Variants in RBM25 observed in about 807,000 individuals in gnomAD.
The protein encoded by RBM25 is RNA binding motif protein 25.
Under a neutral mutation model 120.7 loss-of-function variants are expected in RBM25, and 19 were observed. The ratio of observed to expected loss-of-function variants is 0.16; its 90% CI spans 0.11 to 0.23. The LOEUF is 0.23. RBM25 is among the 10% of genes least tolerant of loss of function. The pLI is 1.00. For missense variants in RBM25, 605 were observed against 1,041.5 expected (o/e 0.58, Z 5.77); for synonymous variants, 390 against 326.7 (o/e 1.19, Z -2.09).
rs57669015 is a variant in RBM25 at position 73,069,746 on chromosome 14, T to TAAAAAAAAAAAAAAAAAAAAAA, written c.-15-1869_-15-1848dup. 10 of 44,158 alleles carry TAAAAAAAAAAAAAAAAAAAAAA rather than the reference T, an allele frequency of 2.3e-4. 1 individual carries two copies. The highest frequency in any genetic ancestry group is 4.6e-4 in the Admixed American group (1 of 2,182). The allele number at this position is 44,158 out of a possible 1,614,324, so 2.7% of individuals were successfully genotyped here. ...ACCGTGCCTGGCCGACCCTGTTTCTTAAAAAAAAAAAAAAAAAAAAAAAAA... is the reference window on the plus strand; with the variant it reads ...ACCGTGCCTGGCCGACCCTGTTTCTTAAAAAAAAAAAAAAAAAAAAAAAAAAAAAAAAAAAAAAAAAAAAAAA... On this transcript the variant is annotated intron_variant, in intron 1 of 18. Coordinates refer to ENST00000261973, the MANE Select transcript of RBM25 (RefSeq NM_021239.3).
At chr14:73,079,354 C>G (rs1024169792) in intron 4 of RBM25, among the ~76,000 whole-genome samples, 2 of 150,502 alleles carry the variant, frequency 1.3e-5, no homozygotes, top group East Asian at 3.9e-4. Context: ...ACCTGGGAGG[C>G]GGAGGTTGCA....
rs141841381 is a variant in RBM25 at position 73,103,174 on chromosome 14, G to C, written c.868-18G>C. Reference sequence around the variant, plus strand: ...GAGCTACAGAGTTAACTCTAAAAGTGCTTTTATTGGTTTCTAGAAACTGGA... The same window carrying C: ...GAGCTACAGAGTTAACTCTAAAAGTCCTTTTATTGGTTTCTAGAAACTGGA... On this transcript the variant is annotated intron_variant, in intron 9 of 18. Coordinates refer to ENST00000261973, the MANE Select transcript of RBM25 (RefSeq NM_021239.3). 1 of 1,601,920 alleles carries C rather than the reference G, an allele frequency of 6.2e-7. No homozygotes were observed. Among genetic ancestry groups the C allele is most frequent in the East Asian group, 2.2e-5 (1 of 44,828 alleles).
intron 14 of RBM25, among the ~76,000 whole-genome samples, chr14:73,110,074 G>C (rs963968432): frequency 6.6e-6 from 1 of 151,448 alleles, no homozygotes; most frequent in Admixed American, 6.6e-5. Flanking sequence ...TAGTGGCGAC[G>C]GGGTTTTACC....
intron 5 of RBM25, among the ~76,000 whole-genome samples, chr14:73,087,448 T>C (rs1480926732): frequency 2.0e-5 from 3 of 151,106 alleles, no homozygotes; most frequent in African/African-American, 2.4e-5. Context: ...CAGGCCGGAC[T>C]GCAGTGGCGC....
chr14:73,061,306 G>A (rs968275947), intron 1 of RBM25, among the ~76,000 whole-genome samples: 8 of 151,052 alleles, frequency 5.3e-5, no homozygotes, highest in Admixed American at 2.0e-4. Flanking sequence ...TGATCCACCC[G>A]CCTTGGCCTC....
intron 4 of RBM25, among the ~76,000 whole-genome samples, chr14:73,080,302 C>G (rs1045441123): frequency 7.3e-6 from 1 of 136,372 alleles, no homozygotes; most frequent in Admixed American, 8.6e-5. Flanking sequence ...TGGCTCACTG[C>G]AAGCTCCGCC....
chr14:73,067,850 C>A, intron 1 of RBM25, among the ~76,000 whole-genome samples: 1 of 151,772 alleles, frequency 6.6e-6, no homozygotes. Flanking sequence ...CCACCCGCTT[C>A]GGCCTCCCAA....
chr14:73,060,518 A>G (rs1894979038), intron 1 of RBM25, among the ~76,000 whole-genome samples: 1 of 151,548 alleles, frequency 6.6e-6, no homozygotes, highest in Non-Finnish European at 1.5e-5. Context: ...AAGCAAAGGA[A>G]TCATTTATCA....
rs1171789697 is a variant in RBM25 at position 73,122,157 on chromosome 14, T to G, written c.*2352T>G. ...ATTAAGTTGCTTGAACTTTGTGGGT[T>G]AATTTTACCATAATCTCATAAATTA... On this transcript the variant is annotated 3_prime_UTR_variant, in exon 19 of 19. Transcript: ENST00000261973. 9.2e-5 allele frequency: 14 copies of G among 151,566 alleles called. 1 individual carries two copies. Among genetic ancestry groups the G allele is most frequent in the Admixed American group, 9.2e-4 (14 of 15,208 alleles). 9.4% of individuals were successfully genotyped at this position (151,566 alleles called of 1,614,324 possible).
chr14:73,083,969 C>G (rs956350521), intron 5 of RBM25, among the ~76,000 whole-genome samples: 1 of 150,986 alleles, frequency 6.6e-6, no homozygotes, highest in African/African-American at 2.4e-5. Context: ...GTGATCTTGG[C>G]TCACTGCAAC....
At chr14:73,103,634 T>C (rs1200320568) in intron 10 of RBM25, among the ~76,000 whole-genome samples, 156 bp downstream of exon 10, 1 of 152,076 alleles carries the variant, frequency 6.6e-6, no homozygotes, top group Non-Finnish European at 1.5e-5. Context: ...GGCTGAGCAA[T>C]CTCCGCCTCC....
chr14:73,093,472 C>G (rs1302458718), intron 6 of RBM25, among the ~76,000 whole-genome samples: 1 of 152,130 alleles, frequency 6.6e-6, no homozygotes, highest in Non-Finnish European at 1.5e-5. Flanking sequence ...GAATCCTTCA[C>G]CTTTTGTTTC....
intron 1 of RBM25, among the ~76,000 whole-genome samples, chr14:73,060,215 T>C (rs1894970352): frequency 6.6e-6 from 1 of 151,272 alleles, no homozygotes; most frequent in South Asian, 2.1e-4. Flanking sequence ...ATTTTTGTAG[T>C]TTTAATAGAG....
At chr14:73,063,729 G>A (rs1407360972) in intron 1 of RBM25, among the ~76,000 whole-genome samples, 2 of 151,214 alleles carry the variant, frequency 1.3e-5, no homozygotes, top group Non-Finnish European at 3.0e-5. Flanking sequence ...TATTGTACCA[G>A]TCTCTTGCTT....
At position 73,123,831 on chromosome 14, in the gene RBM25, TAAA is replaced by T. The variant is rs1015964892; in HGVS notation, c.*4027_*4029del. The T allele has an allele frequency of 3.9e-5, 6 of 151,918 alleles. No homozygotes were observed. The highest frequency in any genetic ancestry group is 1.5e-4 in the African/African-American group (6 of 41,364). 9.4% of individuals were successfully genotyped at this position (151,918 alleles called of 1,614,324 possible). A position where few individuals can be genotyped will look rare whatever the true frequency, so the allele number is the denominator to read the frequency against. ...AGAATGGCAGTCTAAAATACCCAGG[TAAA>T]GAAGATAATTTCTAGAAACAAAAAT... On this transcript the variant is annotated 3_prime_UTR_variant, in exon 19 of 19. Coordinates refer to ENST00000261973, the MANE Select transcript of RBM25 (RefSeq NM_021239.3).
chr14:73,118,732 GA>G (rs1173245914), intron 18 of RBM25, among the ~76,000 whole-genome samples: 1 of 151,952 alleles, frequency 6.6e-6, no homozygotes, highest in Non-Finnish European at 1.5e-5. Context: ...AATTTTGAAT[GA>G]TTTTTTTTTG....
intron 1 of RBM25, among the ~76,000 whole-genome samples, chr14:73,066,241 C>T (rs1039887012): frequency 1.3e-5 from 2 of 152,178 alleles, no homozygotes; most frequent in African/African-American, 2.4e-5. Flanking sequence ...AAACTCAACA[C>T]ATTTACAGTC....
intron 6 of RBM25, among the ~76,000 whole-genome samples, chr14:73,089,564 A>T (rs1484336187): frequency 2.0e-5 from 3 of 152,112 alleles, no homozygotes; most frequent in Non-Finnish European, 4.4e-5. Flanking sequence ...CATGTTGGCC[A>T]GGCTGGTCTC....
At chr14:73,108,770 G>T (rs1338510548) in intron 13 of RBM25, among the ~76,000 whole-genome samples, 3 of 152,158 alleles carry the variant, frequency 2.0e-5, no homozygotes, top group African/African-American at 7.2e-5. Flanking sequence ...GGGTGCCAGG[G>T]ATTTGGCTTT....
Sources: allele counts gnomAD v4.1 joint callset (sites outside exome capture counted in the v4.1 genomes callset), GRCh38; gene constraint gnomAD v4.1.1; transcripts MANE v1.5; gene names NCBI Gene and HGNC (gene_info 2026-07-23, HGNC 2026-07-21).